The following ACCSL variants were observed in gnomAD, a reference collection of about 807,000 sequenced individuals.
The protein encoded by ACCSL is probable inactive 1-aminocyclopropane-1-carboxylate synthase-like protein 2.
In ACCSL, 55 loss-of-function variants were observed where a neutral mutation model predicts 61.7. That is an observed-to-expected ratio of 0.89 (90% confidence interval 0.72 to 1.12). The LOEUF (loss-of-function observed/expected upper bound fraction) is 1.12, where lower values mean the gene tolerates loss of function less well. ACCSL is among the 50% of genes most tolerant of loss of function. The probability of loss-of-function intolerance (pLI) is 0.00; values close to 1 mark genes in which losing one functional copy is unlikely to be tolerated. For missense variants in ACCSL, 632 were observed against 698.0 expected (o/e 0.91, Z 1.07); for synonymous variants, 258 against 264.3 (o/e 0.98, Z 0.23).
At chr11:43,980,299 G>A in the ACCSL span, among the ~76,000 whole-genome samples, 1 of 152,238 alleles carries the variant, frequency 6.6e-6, no homozygotes, top group Non-Finnish European at 1.5e-5. Flanking sequence ...TGGGATTTCT[G>A]TAGGAGATGT....
At chr11:43,990,022 A>G in the ACCSL span, among the ~76,000 whole-genome samples, 3 of 152,030 alleles carry the variant, frequency 2.0e-5, no homozygotes, top group African/African-American at 4.8e-5. Flanking sequence ...GCCACCCATG[A>G]TTCCTCCCTC....
chr11:44,050,967 G>A (rs1473810609), intron 3 of ACCSL, among the ~76,000 whole-genome samples: 4 of 150,752 alleles, frequency 2.7e-5, no homozygotes, highest in African/African-American at 7.3e-5. Context: ...TCAGCCTCCC[G>A]AGTAGCTGGG....
chr11:43,943,998 C>T, the ACCSL span: 4 of 580,706 alleles, frequency 6.9e-6, no homozygotes, highest in Non-Finnish European at 1.0e-5. The surrounding 1 kb of genome is among the most constrained non-coding windows in gnomAD (Gnocchi z 4.8). Context: ...GTGGAGCTAC[C>T]TCCACAAGCT....
the ACCSL span, among the ~76,000 whole-genome samples, chr11:43,980,989 G>A: frequency 6.6e-6 from 1 of 152,184 alleles, no homozygotes; most frequent in Non-Finnish European, 1.5e-5. Flanking sequence ...ATAGATGATT[G>A]TTTTAAGTAG....
At chr11:43,975,448 T>C in the ACCSL span, among the ~76,000 whole-genome samples, 1 of 152,240 alleles carries the variant, frequency 6.6e-6, no homozygotes, top group African/African-American at 2.4e-5. Flanking sequence ...CTCAGAATAC[T>C]ATTCATGCAG....
chr11:44,039,756 C>T, the ACCSL span, among the ~76,000 whole-genome samples: 1 of 152,226 alleles, frequency 6.6e-6, no homozygotes, highest in Non-Finnish European at 1.5e-5. Flanking sequence ...TAAACAAGCT[C>T]TCATTAAAGT....
the ACCSL span, among the ~76,000 whole-genome samples, chr11:44,025,218 TG>T: frequency 3.9e-5 from 6 of 152,202 alleles, no homozygotes; most frequent in African/African-American, 1.4e-4. Context: ...GTTTTCTAAA[TG>T]TCCTATGTCT....
chr11:43,978,823 A>G, the ACCSL span, among the ~76,000 whole-genome samples: 1 of 130,346 alleles, frequency 7.7e-6, no homozygotes, highest in African/African-American at 2.9e-5. Context: ...TTACCAATAA[A>G]AGGGAGAACT....
the ACCSL span, among the ~76,000 whole-genome samples, chr11:43,967,297 C>T: frequency 6.7e-6 from 1 of 150,342 alleles, no homozygotes; most frequent in African/African-American, 2.4e-5. Context: ...CCTGCCTCAG[C>T]CTCCCGAGTA....
At chr11:44,015,742 A>T in the ACCSL span, among the ~76,000 whole-genome samples, 1 of 152,208 alleles carries the variant, frequency 6.6e-6, no homozygotes, top group Non-Finnish European at 1.5e-5. Context: ...TACTAGAAAG[A>T]GCCTGGGCTG....
At chr11:43,926,647 T>G in the ACCSL span, 1 of 323,052 alleles carries the variant, frequency 3.1e-6, no homozygotes, top group Non-Finnish European at 6.2e-6. Context: ...TTTTTCTCCT[T>G]ACTACAAAAG....
the ACCSL span, among the ~76,000 whole-genome samples, chr11:43,936,364 T>C: frequency 6.6e-6 from 1 of 152,230 alleles, no homozygotes; most frequent in African/African-American, 2.4e-5. Context: ...AGTTGGGGGC[T>C]GGGTAGGTTT....
the ACCSL span, chr11:43,942,752 C>T: frequency 4.5e-6 from 1 of 223,964 alleles, no homozygotes; most frequent in Non-Finnish European, 7.4e-6. Context: ...AGCGCCGGCC[C>T]GGGCCCGCGA....
At chr11:43,943,059 G>A in the ACCSL span, 1 of 1,498,914 alleles carries the variant, frequency 6.7e-7, no homozygotes, top group South Asian at 1.3e-5. The surrounding 1 kb of genome is among the most constrained non-coding windows in gnomAD (Gnocchi z 4.8). Context: ...CGCCAGTCTC[G>A]CTTCAAGACG....
the ACCSL span, among the ~76,000 whole-genome samples, chr11:43,986,025 T>C: frequency 4.0e-5 from 6 of 151,828 alleles, no homozygotes; most frequent in African/African-American, 1.2e-4. Flanking sequence ...CCAACTGAAC[T>C]CATCCAAAGC....
the ACCSL span, among the ~76,000 whole-genome samples, chr11:44,017,452 T>C: frequency 6.6e-6 from 1 of 152,252 alleles, no homozygotes; most frequent in South Asian, 2.1e-4. Flanking sequence ...AGTGCTGGCA[T>C]AGAGGAATGA....
At chr11:43,943,716 T>A in the ACCSL span, 1 of 1,304,376 alleles carries the variant, frequency 7.7e-7, no homozygotes, top group Non-Finnish European at 1.0e-6. The surrounding 1 kb of genome is among the most constrained non-coding windows in gnomAD (Gnocchi z 4.8). Context: ...TTGTTAGGCG[T>A]GGCCGTTGGG....
chr11:43,956,589 T>A, the ACCSL span, among the ~76,000 whole-genome samples: 1 of 152,122 alleles, frequency 6.6e-6, no homozygotes, highest in Non-Finnish European at 1.5e-5. Context: ...CCGGCTAATT[T>A]TTTGTATTTT....
At chr11:43,953,345 A>T in the ACCSL span, among the ~76,000 whole-genome samples, 3 of 152,004 alleles carry the variant, frequency 2.0e-5, no homozygotes, top group Non-Finnish European at 4.4e-5. Context: ...AGCATGGTGA[A>T]ACCCCATCTC....
Sources: allele counts gnomAD v4.1 joint callset (sites outside exome capture counted in the v4.1 genomes callset), GRCh38; gene constraint gnomAD v4.1.1; non-coding constraint Gnocchi (gnomAD v3.1); transcripts MANE v1.5; gene names NCBI Gene and HGNC (gene_info 2026-07-23, HGNC 2026-07-21).